NLK: variants seen among roughly 807,000 people sequenced by gnomAD.
NLK encodes nemo like kinase.
In NLK, 11 loss-of-function variants were observed where a neutral mutation model predicts 59.0. That is an observed-to-expected ratio of 0.19 (90% CI 0.12 to 0.31). NLK has a LOEUF of 0.31. NLK is among the 10% of genes least tolerant of loss of function. The pLI is 1.00. For synonymous variants in NLK, 235 were observed against 235.9 expected (o/e 1.00, Z 0.03); for missense variants, 410 against 661.1 (o/e 0.62, Z 4.16).
rs963907144 is a variant in NLK, at chr17:28,116,372, C to T, written c.459-6231C>T. 2.0e-5 allele frequency: 4 copies of T among 197,148 alleles called. No individual in the cohort carries two copies. The South Asian group carries it at 3.0e-4, about 15-fold the overall frequency. 12.2% of individuals were successfully genotyped at this position (197,148 alleles called of 1,614,324 possible). On this transcript the variant is annotated intron_variant, in intron 1 of 10. Coordinates refer to ENST00000407008, the MANE Select transcript of NLK (RefSeq NM_016231.5). ...AGAGTGAGAACCCCGGCCGAATTTT[C>T]ATGGGTGGCTCTAGTAGAGCTGCTG... is the stretch of plus-strand genomic sequence containing the variant.
At chr17:28,185,487 C>T (rs967517660) in intron 8 of NLK, among the ~76,000 whole-genome samples, 3 of 152,110 alleles carry the variant, frequency 2.0e-5, no homozygotes, top group Non-Finnish European at 4.4e-5. Flanking sequence ...TCTTATTTAA[C>T]TCTTATTTCT....
chr17:28,134,654 AATCCACAG>A (rs1906663289), intron 3 of NLK, among the ~76,000 whole-genome samples: 1 of 152,190 alleles, frequency 6.6e-6, no homozygotes, highest in East Asian at 1.9e-4. Context: ...GTGATATTTT[AATCCACAG>A]ATCCTTTATG....
chr17:28,068,664 G>A (rs1909912964), intron 1 of NLK, among the ~76,000 whole-genome samples: 1 of 152,032 alleles, frequency 6.6e-6, no homozygotes, highest in African/African-American at 2.4e-5. Context: ...TTTGCTAATT[G>A]TATTTTAATT....
chr17:28,084,010 G>A (rs1910431636), intron 1 of NLK, among the ~76,000 whole-genome samples: 3 of 152,148 alleles, frequency 2.0e-5, no homozygotes, highest in Admixed American at 1.3e-4. Flanking sequence ...GCCATATCAT[G>A]ATACAGCTGT....
At chr17:28,059,105 A>G (rs2142743885) in intron 1 of NLK, among the ~76,000 whole-genome samples, 1 of 152,228 alleles carries the variant, frequency 6.6e-6, no homozygotes, top group Non-Finnish European at 1.5e-5. Context: ...TAGCTTGGTC[A>G]ACAGAGCCAG....
chr17:28,179,616 C>T (rs1051316672), intron 7 of NLK, among the ~76,000 whole-genome samples: 1 of 151,996 alleles, frequency 6.6e-6, no homozygotes, highest in Non-Finnish European at 1.5e-5. Flanking sequence ...CACCTGTAAT[C>T]CCAGCTACTC....
chr17:28,117,733 A>G (rs955097899), intron 1 of NLK, among the ~76,000 whole-genome samples: 6 of 152,200 alleles, frequency 3.9e-5, no homozygotes, highest in African/African-American at 1.4e-4. Flanking sequence ...AAAATGGAAA[A>G]GGATCTCTTT....
At chr17:28,171,724 G>T (rs577787693) in intron 6 of NLK, among the ~76,000 whole-genome samples, 1 of 152,142 alleles carries the variant, frequency 6.6e-6, no homozygotes, top group Non-Finnish European at 1.5e-5. Context: ...TCCATTTGAA[G>T]CATCAGAATC....
chr17:28,110,777 G>T (rs890362823), intron 1 of NLK, among the ~76,000 whole-genome samples: 1 of 151,850 alleles, frequency 6.6e-6, no homozygotes, highest in African/African-American at 2.4e-5. Flanking sequence ...ATTCCCTGTT[G>T]AGTCATTGTC....
intron 3 of NLK, among the ~76,000 whole-genome samples, chr17:28,149,428 C>T (rs573246732): frequency 2.6e-4 from 39 of 152,248 alleles, no homozygotes; most frequent in African/African-American, 9.4e-4. Context: ...GTTTTTCATA[C>T]AGTATAGATA....
At chr17:28,152,497 ATGTGAAG>A (rs897365534) in intron 3 of NLK, among the ~76,000 whole-genome samples, 5 of 152,234 alleles carry the variant, frequency 3.3e-5, no homozygotes, top group African/African-American at 1.2e-4. Flanking sequence ...TTTTGTAGAT[ATGTGAAG>A]CAGAATAGAA....
At chr17:28,169,540 C>T (rs1908377363) in intron 6 of NLK, among the ~76,000 whole-genome samples, 1 of 152,044 alleles carries the variant, frequency 6.6e-6, no homozygotes, top group African/African-American at 2.4e-5. Flanking sequence ...TTCACTAATA[C>T]ACATATTGAC....
intron 3 of NLK, among the ~76,000 whole-genome samples, chr17:28,154,260 A>G (rs1303159603): frequency 6.6e-6 from 1 of 152,154 alleles, no homozygotes; most frequent in Non-Finnish European, 1.5e-5. Flanking sequence ...TAAACATCGG[A>G]TTGGTTGCAA....
chr17:28,068,462 G>A (rs1356440711), intron 1 of NLK, among the ~76,000 whole-genome samples: 2 of 152,028 alleles, frequency 1.3e-5, no homozygotes, highest in African/African-American at 4.8e-5. Context: ...TTTGTTTTTA[G>A]GTTACTATCT....
In NLK at chr17:28,052,888, GT is replaced by G. The variant is rs768444319; in HGVS notation, c.458+9576del. ...CAGCACCAGCATATTGATCTCTGGT[GT>G]TTTTTTTTTTTTTTTTTTGAGACAG... On this transcript the variant is annotated intron_variant, in intron 1 of 10. Coordinates refer to ENST00000407008, the MANE Select transcript of NLK (RefSeq NM_016231.5). 4.2e-3 allele frequency among the ~76,000 whole-genome samples: 475 copies of G among 112,514 alleles called. 1 individual carries two copies. The highest frequency in any genetic ancestry group is 0.015 in the Middle Eastern group (3 of 204). The allele number at this position is 112,514 out of a possible 152,430, so 73.8% of individuals were successfully genotyped here.
chr17:28,190,896 T>A (rs1335942411), intron 8 of NLK, 125 bp from the exon 9 acceptor site: 4 of 640,042 alleles, frequency 6.2e-6, no homozygotes, highest in Non-Finnish European at 1.0e-5. Context: ...TATCCCTCTT[T>A]GGACGGGATG....
At chr17:28,131,879 A>G (rs2142021477) in intron 2 of NLK, among the ~76,000 whole-genome samples, 1 of 152,292 alleles carries the variant, frequency 6.6e-6, no homozygotes, top group Admixed American at 6.5e-5. Flanking sequence ...AATGCTTAGT[A>G]TGATTTAAAG....
intron 1 of NLK, among the ~76,000 whole-genome samples, chr17:28,120,143 C>A (rs978363892): frequency 6.6e-6 from 1 of 151,978 alleles, no homozygotes; most frequent in Non-Finnish European, 1.5e-5. Context: ...AAAAGTACTT[C>A]TAACTAATAG....
At chr17:28,062,153 CAGAA>C (rs1345854084) in intron 1 of NLK, 5 of 151,922 alleles carry the variant, frequency 3.3e-5, no homozygotes, top group South Asian at 2.1e-4. Context: ...ATTAAAGTGT[CAGAA>C]AGAGAGAGCG....
Sources: allele counts gnomAD v4.1 joint callset (sites outside exome capture counted in the v4.1 genomes callset), GRCh38; gene constraint gnomAD v4.1.1; transcripts MANE v1.5; gene names NCBI Gene and HGNC (gene_info 2026-07-23, HGNC 2026-07-21).